ATXN1: variants seen among roughly 807,000 people sequenced by gnomAD.
ATXN1 encodes the protein ataxin 1.
ATXN1 carries 8 observed loss-of-function variants against 56.4 expected under a neutral mutation model. The ratio of observed to expected loss-of-function variants is 0.14; its 90% CI spans 0.08 to 0.26. ATXN1 has a LOEUF of 0.26. Among genes scored for constraint, ATXN1 ranks in the 10% least tolerant of loss-of-function variants. The pLI, the probability that ATXN1 is intolerant of heterozygous loss-of-function variation, is 1.00. For missense variants in ATXN1, 987 were observed against 1,106.5 expected, an observed-to-expected ratio of 0.89 and a Z score of 1.53; for synonymous variants, 514 against 494.6, an observed-to-expected ratio of 1.04 and a Z score of -0.52.
chr6:16,331,958 T>C (rs1350757224), intron 6 of ATXN1, among the ~76,000 whole-genome samples: 1 of 152,260 alleles, frequency 6.6e-6, no homozygotes, highest in Non-Finnish European at 1.5e-5. Flanking sequence ...GCGAAATGAT[T>C]GCTAAGACAT....
In ATXN1 at chr6:16,327,678, ATGCTGATGCTGC is replaced by A. The variant is rs764073850; in HGVS notation, c.621_632del (p.Gln207_Gln210del). 5.8e-5 allele frequency: 59 copies of A among 1,011,214 alleles called. No homozygotes were observed. In the African/African-American group the frequency reaches 6.8e-4, roughly 12 times the overall value. 62.6% of individuals were successfully genotyped at this position (1,011,214 alleles called of 1,614,324 possible). On this transcript the variant is annotated inframe_deletion, in exon 7 of 8. Transcript: ENST00000436367. ...GCTGCTGCTGCTGCTGCTGCTGCTG[ATGCTGATGCTGC>A]TGCTGCTGCTGCTGCTGCTGCTGCT...
intron 3 of ATXN1, among the ~76,000 whole-genome samples, chr6:16,644,299 G>A (rs1485478580): frequency 6.6e-6 from 1 of 152,104 alleles, no homozygotes; most frequent in Non-Finnish European, 1.5e-5. Context: ...GGCAGATCAC[G>A]AGGTCAAGAG....
chr6:16,475,898 C>T (rs1290553720), intron 6 of ATXN1, among the ~76,000 whole-genome samples: 13 of 148,148 alleles, frequency 8.8e-5, no homozygotes, highest in Admixed American at 1.4e-4. Flanking sequence ...GAGATGGAGT[C>T]TCACTCTGTT....
intron 5 of ATXN1, among the ~76,000 whole-genome samples, chr6:16,502,783 T>C (rs906933091): frequency 2.0e-5 from 3 of 152,224 alleles, no homozygotes; most frequent in African/African-American, 7.2e-5. Flanking sequence ...ATAGTTTATA[T>C]TTCTACAAAT....
chr6:16,622,919 T>C (rs191820663), intron 3 of ATXN1, among the ~76,000 whole-genome samples: 2 of 152,216 alleles, frequency 1.3e-5, no homozygotes, highest in African/African-American at 4.8e-5. Flanking sequence ...TAATGATGCA[T>C]ACTTTTGAAA....
chr6:16,347,173 C>G lies in ATXN1; in HGVS notation c.-160-18703G>C, dbSNP rs575660424. On this transcript the variant is annotated intron_variant, in intron 6 of 7. Transcript: ENST00000436367. Reference sequence around the variant, plus strand: ...CAGAGCCTCCCCGACGAGCGCCGCCCCCTGCTCCACAGCGCCCAGTCCCAT... The same window carrying G: ...CAGAGCCTCCCCGACGAGCGCCGCCGCCTGCTCCACAGCGCCCAGTCCCAT... Among the ~76,000 whole-genome samples, 30 of 152,356 alleles carry G rather than the reference C, an allele frequency of 2.0e-4. No homozygotes were observed. In the South Asian group the frequency reaches 6.0e-3, roughly 30 times the overall value.
chr6:16,465,464 CA>C (rs1462171927), intron 6 of ATXN1, among the ~76,000 whole-genome samples: 1 of 151,964 alleles, frequency 6.6e-6, no homozygotes, highest in Non-Finnish European at 1.5e-5. Flanking sequence ...TTTCCAAAAA[CA>C]AAACAAAACA....
rs142311437 is a variant in ATXN1, at chr6:16,671,305, C to CTTTTT, written c.-614-13405_-614-13404insAAAAA. On this transcript the variant is annotated intron_variant, in intron 2 of 7. Coordinates refer to ENST00000436367, the MANE Select transcript of ATXN1 (RefSeq NM_001128164.2). ...TGTACACAATTGGCACTTTTCTTTT[C>CTTTTT]TTTCTTTTTTTTTTTTTTTGCAGTA... Among the ~76,000 whole-genome samples the CTTTTT allele has an allele frequency of 8.2e-5, 6 of 73,488 alleles. 1 individual carries two copies. Among genetic ancestry groups the CTTTTT allele is most frequent in the Non-Finnish European group, 9.9e-5 (4 of 40,344 alleles). The allele number at this position is 73,488 out of a possible 152,430, so 48.2% of individuals were successfully genotyped here. A position where few individuals can be genotyped will look rare whatever the true frequency, so the allele number is the denominator to read the frequency against.
At chr6:16,346,604 T>C (rs1381215389) in intron 6 of ATXN1, among the ~76,000 whole-genome samples, 2 of 152,258 alleles carry the variant, frequency 1.3e-5, no homozygotes, top group Non-Finnish European at 2.9e-5. Context: ...CCGGGCTAAC[T>C]GGCATTTGAT....
At chr6:16,518,840 G>T (rs950506428) in intron 5 of ATXN1, among the ~76,000 whole-genome samples, 1 of 152,142 alleles carries the variant, frequency 6.6e-6, no homozygotes, top group Non-Finnish European at 1.5e-5. Flanking sequence ...GAAAAAGGAT[G>T]ATTTTGGTGC....
rs533811962 is a variant in ATXN1, at chr6:16,540,288, T to C, written c.-360-17600A>G. Among the ~76,000 whole-genome samples the C allele has an allele frequency of 1.7e-3, 263 of 150,850 alleles. 1 individual carries two copies. Among genetic ancestry groups the C allele is most frequent in the African/African-American group, 5.5e-3 (224 of 40,722 alleles). Reference sequence around the variant, plus strand: ...GTGCAGTAGCATGATCTCGGCTCAATGCAACCTCCGCCTCCTGGGTTCAAG... The same window carrying C: ...GTGCAGTAGCATGATCTCGGCTCAACGCAACCTCCGCCTCCTGGGTTCAAG... On this transcript the variant is annotated intron_variant, in intron 4 of 7. Coordinates refer to ENST00000436367, the MANE Select transcript of ATXN1 (RefSeq NM_001128164.2).
rs1041271794 is a variant in ATXN1, at chr6:16,682,277, A to C, written c.-614-24376T>G. 2.1e-5 allele frequency among the ~76,000 whole-genome samples: 3 copies of C among 141,514 alleles called. 1 individual carries two copies. In the Admixed American group the frequency reaches 2.3e-4, roughly 11 times the overall value. 92.8% of individuals were successfully genotyped at this position (141,514 alleles called of 152,430 possible). On this transcript the variant is annotated intron_variant, in intron 2 of 7. Transcript: ENST00000436367. Reference sequence around the variant, plus strand: ...AGTGATGCAATCTCAGCTCACTGCAACCTCCACCTCCCAGGTTCAAGTGAT... The same window carrying C: ...AGTGATGCAATCTCAGCTCACTGCACCCTCCACCTCCCAGGTTCAAGTGAT...
intron 3 of ATXN1, among the ~76,000 whole-genome samples, chr6:16,629,019 G>T (rs559584857): frequency 1.3e-5 from 2 of 152,292 alleles, no homozygotes; most frequent in Admixed American, 1.3e-4. Context: ...TGGTAGTTCT[G>T]CTTTTAGCTC....
intron 3 of ATXN1, among the ~76,000 whole-genome samples, chr6:16,650,069 A>G (rs901005907): frequency 6.6e-6 from 1 of 152,114 alleles, no homozygotes; most frequent in African/African-American, 2.4e-5. Context: ...AAATGCTGAC[A>G]TTACAGATGT....
intron 4 of ATXN1, among the ~76,000 whole-genome samples, chr6:16,544,159 G>A (rs983295149): frequency 1.3e-5 from 2 of 152,178 alleles, no homozygotes; most frequent in Non-Finnish European, 2.9e-5. Context: ...CCAGGTCTCC[G>A]ATTCCACGCT....
At chr6:16,479,267 T>G (rs1760388995) in intron 6 of ATXN1, among the ~76,000 whole-genome samples, 1 of 152,238 alleles carries the variant, frequency 6.6e-6, no homozygotes, top group South Asian at 2.1e-4. Flanking sequence ...ACAGCTAATT[T>G]GCTATCACAC....
At chr6:16,707,819 T>A (rs1042461373) in intron 2 of ATXN1, among the ~76,000 whole-genome samples, 1 of 152,158 alleles carries the variant, frequency 6.6e-6, no homozygotes, top group Non-Finnish European at 1.5e-5. Flanking sequence ...CCTAAGTTTA[T>A]GTTTAAATAA....
chr6:16,533,855 T>C (rs893504780), intron 4 of ATXN1, among the ~76,000 whole-genome samples: 14 of 152,308 alleles, frequency 9.2e-5, no homozygotes, highest in Middle Eastern at 3.4e-3. Context: ...AGAGGTGACT[T>C]CATGGAAACT....
chr6:16,543,722 AT>A (rs1031317547), intron 4 of ATXN1, among the ~76,000 whole-genome samples: 3 of 150,464 alleles, frequency 2.0e-5, no homozygotes, highest in African/African-American at 7.3e-5. Context: ...TTACTACTTG[AT>A]GCTTTTAGAG....
Sources: gnomAD v4.1 joint callset for allele counts (sites outside exome capture counted in the v4.1 genomes callset) on GRCh38, gnomAD v4.1.1 for gene constraint, MANE v1.5 for transcripts, NCBI Gene and HGNC (gene_info 2026-07-23, HGNC 2026-07-21) for gene names.